The following CACHD1 variants were observed in gnomAD, a reference collection of about 807,000 sequenced individuals.
CACHD1 encodes VWFA and cache domain-containing protein 1.
Under a neutral mutation model 138.7 loss-of-function variants are expected in CACHD1, and 71 were observed. The ratio of observed to expected loss-of-function variants is 0.51; its 90% CI spans 0.42 to 0.62. The LOEUF is 0.62. CACHD1 is among the 20% of genes least tolerant of loss of function. The pLI is 0.00. For missense variants in CACHD1, 1,389 were observed against 1,625.3 expected, an observed-to-expected ratio of 0.85 and a Z score of 2.50; for synonymous variants, 578 against 591.5, an observed-to-expected ratio of 0.98 and a Z score of 0.33.
At chr1:64,681,827 C>T (rs1650201600) in intron 25 of CACHD1, among the ~76,000 whole-genome samples, 178 bp from the exon 26 acceptor site, 1 of 152,070 alleles carries the variant, frequency 6.6e-6, no homozygotes, top group Non-Finnish European at 1.5e-5. Flanking sequence ...AAATACCTCT[C>T]ACTGCACCAG....
chr1:64,486,603 G>A (rs891624449), intron 1 of CACHD1, among the ~76,000 whole-genome samples: 3 of 152,150 alleles, frequency 2.0e-5, no homozygotes, highest in African/African-American at 7.2e-5. Flanking sequence ...CTTCAAGAGA[G>A]CTGTGAGTTT....
intron 1 of CACHD1, among the ~76,000 whole-genome samples, chr1:64,489,228 G>T (rs984183844): frequency 6.6e-6 from 1 of 152,120 alleles, no homozygotes; most frequent in African/African-American, 2.4e-5. Flanking sequence ...CTTCAACTTG[G>T]TTTTTTATTT....
At chr1:64,566,490 C>T (rs988824245) in intron 2 of CACHD1, among the ~76,000 whole-genome samples, 1 of 143,442 alleles carries the variant, frequency 7.0e-6, no homozygotes, top group South Asian at 2.4e-4. Context: ...CCCCCCCCCC[C>T]ACAAGGTATG....
chr1:64,605,128 C>T (rs1317704832), intron 4 of CACHD1, among the ~76,000 whole-genome samples: 1 of 151,586 alleles, frequency 6.6e-6, no homozygotes, highest in African/African-American at 2.4e-5. Context: ...CACCGACCGG[C>T]TAATTTTTGT....
At position 64,470,845 on chromosome 1, in the gene CACHD1, G is replaced by C. The variant is rs764420985; in HGVS notation, c.101G>C (p.Gly34Ala). The change falls in exon 1 of 27, where the codon GGG becomes GCG. Residue 34 changes from glycine (G) to alanine (A), a missense_variant. By Grantham distance (60) the Gly-to-Ala change is moderately conservative (BLOSUM62 0). Transcript: ENST00000651257. This position sits in a 1 kb window ranked among gnomAD's most constrained non-coding sequence, Gnocchi z 5.2. ...CLVACWLLGA[G>A]AEADFSILDE... ...GTCGCGTGCTGGCTCCTGGGCGCCGGGGCCGAAGCCGACTTCTCCATCCTG... is the reference window on the plus strand; with the variant it reads ...GTCGCGTGCTGGCTCCTGGGCGCCGCGGCCGAAGCCGACTTCTCCATCCTG... 6.3e-7 allele frequency: 1 copy of C among 1,586,748 alleles called. No homozygotes were observed. The highest frequency in any genetic ancestry group is 8.5e-7 in the Non-Finnish European group (1 of 1,171,568).
At chr1:64,636,646 G>A (rs1648535473) in intron 7 of CACHD1, among the ~76,000 whole-genome samples, 4 of 152,214 alleles carry the variant, frequency 2.6e-5, no homozygotes, top group African/African-American at 9.6e-5. Flanking sequence ...CAATAGAAGA[G>A]CATCTCTTCA....
intron 7 of CACHD1, among the ~76,000 whole-genome samples, chr1:64,640,839 G>A (rs1428614007): frequency 6.6e-6 from 1 of 151,452 alleles, no homozygotes; most frequent in Non-Finnish European, 1.5e-5. Flanking sequence ...TTTTTATTGT[G>A]GTCATTTAGC....
intron 4 of CACHD1, among the ~76,000 whole-genome samples, chr1:64,606,301 A>C (rs1647337976): frequency 6.6e-6 from 1 of 152,128 alleles, no homozygotes; most frequent in African/African-American, 2.4e-5. Flanking sequence ...TATTTCATCT[A>C]AGGGTTTGTG....
intron 25 of CACHD1, 152 bp downstream of exon 25, chr1:64,681,487 T>C (rs867169431): frequency 5.4e-6 from 3 of 558,694 alleles, no homozygotes; most frequent in Middle Eastern, 2.9e-4. Context: ...CATCCTTTTT[T>C]GTTAGGAGTA....
chr1:64,645,411 A>G (rs550071115), intron 8 of CACHD1, among the ~76,000 whole-genome samples: 9 of 152,350 alleles, frequency 5.9e-5, no homozygotes, highest in Non-Finnish European at 1.3e-4. Context: ...ATTATTACAC[A>G]TTGCACAACT....
intron 2 of CACHD1, among the ~76,000 whole-genome samples, chr1:64,570,923 T>C (rs1366237445): frequency 1.3e-5 from 2 of 152,032 alleles, no homozygotes; most frequent in African/African-American, 2.4e-5. Context: ...TTCCCAATGA[T>C]ATTAAAAAAA....
At chr1:64,680,991 GA>G (rs1331819379) in intron 24 of CACHD1, among the ~76,000 whole-genome samples, 5 of 152,186 alleles carry the variant, frequency 3.3e-5, no homozygotes, top group African/African-American at 1.2e-4. Flanking sequence ...GAGGATTAAA[GA>G]TTTGTTGGCC....
intron 25 of CACHD1, among the ~76,000 whole-genome samples, chr1:64,681,541 G>GGTTTTTTTTTGTTTTTTTTTTTTTT (rs1553146851): frequency 2.9e-5 from 2 of 68,146 alleles, no homozygotes; most frequent in African/African-American, 1.5e-4. Flanking sequence ...ATTTTATTGT[G>GGTTTTTTTTTGTTTTTTTTTTTTTT]TTTTTTTTTT....
chr1:64,485,272 T>C (rs1646235637), intron 1 of CACHD1, among the ~76,000 whole-genome samples: 1 of 152,192 alleles, frequency 6.6e-6, no homozygotes, highest in South Asian at 2.1e-4. Context: ...AACAGTATCA[T>C]CACCCCCCAA....
Position 64,678,246 on chromosome 1 carries a change from G to C in CACHD1, c.3180G>C (p.Gln1060His). ...TGGACAAACCCTACTGTGCCCCCCA[G>C]AAAGAATGCTTCGGGGGGATTGTGG... Reference protein sequence around the residue: ...THLDKPYCAPQKECFGGIVGA... With the variant: ...THLDKPYCAPHKECFGGIVGA... Residue 1060 changes from glutamine (Q) to histidine (H), a missense_variant, in exon 23 of 27, where the codon CAG becomes CAC. Coordinates refer to ENST00000651257, the MANE Select transcript of CACHD1 (RefSeq NM_020925.4). 6.2e-7 allele frequency: 1 copy of C among 1,611,224 alleles called. No homozygotes were observed. The highest frequency in any genetic ancestry group is 8.5e-7 in the Non-Finnish European group (1 of 1,178,826).
At chr1:64,597,814 C>T (rs2100569140) in intron 3 of CACHD1, among the ~76,000 whole-genome samples, 1 of 152,042 alleles carries the variant, frequency 6.6e-6, no homozygotes, top group South Asian at 2.1e-4. Context: ...TCCATAAACC[C>T]GGAATTATAT....
At chr1:64,687,536 A>C (rs563114621) in intron 26 of CACHD1, among the ~76,000 whole-genome samples, 25 of 152,260 alleles carry the variant, frequency 1.6e-4, no homozygotes, top group African/African-American at 5.3e-4. Flanking sequence ...TCCTGAGATG[A>C]AGAGATGGGT....
intron 4 of CACHD1, among the ~76,000 whole-genome samples, chr1:64,603,385 T>A (rs1647253440): frequency 6.6e-6 from 1 of 152,128 alleles, no homozygotes; most frequent in African/African-American, 2.4e-5. Flanking sequence ...ATTACAGGCG[T>A]GAGCCACCAC....
chr1:64,517,263 A>G (rs189079067), intron 1 of CACHD1, among the ~76,000 whole-genome samples: 1 of 152,326 alleles, frequency 6.6e-6, no homozygotes, highest in Non-Finnish European at 1.5e-5. Flanking sequence ...CTAATTCATC[A>G]GTGATCAAAA....
Sources: gnomAD v4.1 joint callset for allele counts (sites outside exome capture counted in the v4.1 genomes callset) on GRCh38, gnomAD v4.1.1 for gene constraint, Gnocchi (gnomAD v3.1) non-coding constraint, MANE v1.5 for transcripts, NCBI Gene and HGNC (gene_info 2026-07-23, HGNC 2026-07-21) for gene names.